SLC9A8: variants seen among roughly 807,000 people sequenced by gnomAD.
SLC9A8 encodes sodium/hydrogen exchanger 8.
In SLC9A8, 48 loss-of-function variants were observed where a neutral mutation model predicts 66.6. The ratio of observed to expected loss-of-function variants is 0.72; its 90% confidence interval spans 0.57 to 0.92. SLC9A8 has a LOEUF of 0.92. Ranked by LOEUF, SLC9A8 falls within the 40% of genes least tolerant of loss-of-function variation. The pLI is 0.00. For synonymous variants in SLC9A8, 274 were observed against 282.6 expected (o/e 0.97, Z 0.31); for missense variants, 599 against 747.3 (o/e 0.80, Z 2.31).
intron 3 of SLC9A8, chr20:49,830,297 C>G (rs1223126078): frequency 1.7e-6 from 2 of 1,147,698 alleles, no homozygotes; most frequent in East Asian, 4.7e-5. Flanking sequence ...AAATGGGTCA[C>G]ACAGTGACTG....
At chr20:49,884,336 A>ACACACACACACAC (rs1568884621) in intron 14 of SLC9A8, among the ~76,000 whole-genome samples, 3 of 108,516 alleles carry the variant, frequency 2.8e-5, no homozygotes, top group Non-Finnish European at 5.8e-5. Flanking sequence ...ACACACACAC[A>ACACACACACACAC]CCCCCCGGTC....
chr20:49,862,846 A>T, intron 8 of SLC9A8, 83 bp from the exon 9 acceptor site: 1 of 1,136,458 alleles, frequency 8.8e-7, no homozygotes, highest in Non-Finnish European at 1.3e-6. Flanking sequence ...ATGAGCGAAT[A>T]AGCAAGAAAT....
At position 49,889,553 on chromosome 20, in the gene SLC9A8, G is replaced by T. The variant is rs2089996241; in HGVS notation, c.*1617G>T. 1 of 152,300 alleles carries T rather than the reference G, an allele frequency of 6.6e-6. No homozygotes were observed. Among genetic ancestry groups the T allele is most frequent in the African/African-American group, 2.4e-5 (1 of 41,460 alleles). The allele number at this position is 152,300 out of a possible 1,614,324, so 9.4% of individuals were successfully genotyped here. A position where few individuals can be genotyped will look rare whatever the true frequency, so the allele number is the denominator to read the frequency against. Reference sequence around the variant, plus strand: ...GATCCTACCACCTCGCCTTGACCCTGAAGTCAGAGCAGGCCAGCCAAGCAG... The same window carrying T: ...GATCCTACCACCTCGCCTTGACCCTTAAGTCAGAGCAGGCCAGCCAAGCAG... On this transcript the variant is annotated 3_prime_UTR_variant, in exon 16 of 16. Coordinates refer to ENST00000361573, the MANE Select transcript of SLC9A8 (RefSeq NM_015266.3).
intron 7 of SLC9A8, 52 bp downstream of exon 7, chr20:49,850,896 A>C (rs1450333498): frequency 7.3e-7 from 1 of 1,377,558 alleles, no homozygotes; most frequent in Non-Finnish European, 1.0e-6. Context: ...GACAGGGGAA[A>C]TGTTTCTCCA....
chr20:49,854,463 C>G (rs1236042064), intron 7 of SLC9A8, among the ~76,000 whole-genome samples: 1 of 152,182 alleles, frequency 6.6e-6, no homozygotes, highest in Non-Finnish European at 1.5e-5. Flanking sequence ...TGTGTCATCC[C>G]TTCACAGAGG....
chr20:49,858,183 T>A (rs1372186063), intron 8 of SLC9A8, among the ~76,000 whole-genome samples: 1 of 152,136 alleles, frequency 6.6e-6, no homozygotes, highest in Non-Finnish European at 1.5e-5. Context: ...GGTGTATTCC[T>A]TTTTCTGGGT....
chr20:49,841,907 T>A (rs1222895261), intron 4 of SLC9A8, among the ~76,000 whole-genome samples: 2 of 151,992 alleles, frequency 1.3e-5, no homozygotes, highest in African/African-American at 2.4e-5. Flanking sequence ...GGCTAATTTT[T>A]AAAAAAATTT....
intron 3 of SLC9A8, chr20:49,830,001 AG>A: frequency 1.6e-6 from 1 of 632,248 alleles, no homozygotes; most frequent in South Asian, 1.4e-5. Flanking sequence ...GGTACCTTGA[AG>A]TGGATGATGG....
At chr20:49,861,817 G>T (rs1236684874) in intron 8 of SLC9A8, among the ~76,000 whole-genome samples, 1 of 152,086 alleles carries the variant, frequency 6.6e-6, no homozygotes, top group Non-Finnish European at 1.5e-5. Context: ...TACAGTAAAA[G>T]GAAAGTTCTT....
intron 11 of SLC9A8, among the ~76,000 whole-genome samples, chr20:49,876,737 C>T (rs1178211380): frequency 6.6e-6 from 1 of 152,150 alleles, no homozygotes; most frequent in Non-Finnish European, 1.5e-5. Flanking sequence ...GGCAGAAATT[C>T]AGAGCAAATG....
intron 3 of SLC9A8, chr20:49,831,104 C>G: frequency 1.6e-6 from 1 of 616,600 alleles, no homozygotes; most frequent in South Asian, 1.6e-5. Context: ...ACCCCCCACC[C>G]CCAGCCCTCT....
rs754131336 is a variant in SLC9A8, at chr20:49,887,810, G to A, written c.1639-19G>A. The A allele has an allele frequency of 2.5e-6, 4 of 1,569,672 alleles. No homozygotes were observed. The highest frequency in any genetic ancestry group is 4.6e-5 in the East Asian group (2 of 43,942). On this transcript the variant is annotated intron_variant, in intron 15 of 15. Coordinates refer to ENST00000361573, the MANE Select transcript of SLC9A8 (RefSeq NM_015266.3). ...CTGCCCCTGACGCCCTGACGGCTTGGTTGTGTCTCTCGACCCAGGACCTGC... is the reference window on the plus strand; with the variant it reads ...CTGCCCCTGACGCCCTGACGGCTTGATTGTGTCTCTCGACCCAGGACCTGC...
chr20:49,836,421 C>T (rs1409024582), intron 3 of SLC9A8, among the ~76,000 whole-genome samples: 1 of 152,182 alleles, frequency 6.6e-6, no homozygotes, highest in Non-Finnish European at 1.5e-5. Context: ...GCAACCGCCG[C>T]CTCCCAGGTT....
rs369647665 is a variant in SLC9A8, at chr20:49,845,031, T to C, written c.349-5T>C. 1.4e-5 allele frequency: 23 copies of C among 1,605,088 alleles called. No homozygotes were observed. In the African/African-American group the frequency reaches 2.9e-4, roughly 21 times the overall value. Reference sequence around the variant, plus strand: ...GCCCTTAAGATACTCATTTTCTATTTACAGGAAGAAGAAATGTTTCGTCCA... The same window carrying C: ...GCCCTTAAGATACTCATTTTCTATTCACAGGAAGAAGAAATGTTTCGTCCA... On this transcript the variant is annotated splice_polypyrimidine_tract_variant and splice_region_variant and intron_variant, in intron 4 of 15. Transcript: ENST00000361573.
At chr20:49,879,583 G>A (rs1309491320) in intron 12 of SLC9A8, among the ~76,000 whole-genome samples, 1 of 152,194 alleles carries the variant, frequency 6.6e-6, no homozygotes, top group Non-Finnish European at 1.5e-5. Context: ...CCAGCACTTT[G>A]GGAGGCTGAG....
rs1244330979 is a variant in SLC9A8, at chr20:49,834,401, C to G, written c.290-5140C>G. Among the ~76,000 whole-genome samples, 247 of 50,338 alleles carry G rather than the reference C, an allele frequency of 4.9e-3. 3 individuals carry two copies. Among genetic ancestry groups the G allele is most frequent in the African/African-American group, 7.2e-3 (62 of 8,570 alleles). 33.0% of individuals were successfully genotyped at this position (50,338 alleles called of 152,430 possible). The stretch of plus-strand genomic sequence containing the variant: ...TATATATACTGTGTATATATATATA[C>G]TGTGTATATATATATACTGTATATA... On this transcript the variant is annotated intron_variant, in intron 3 of 15. Coordinates refer to ENST00000361573, the MANE Select transcript of SLC9A8 (RefSeq NM_015266.3).
At chr20:49,850,922 G>A in intron 7 of SLC9A8, 78 bp downstream of exon 7, 4 of 1,071,298 alleles carry the variant, frequency 3.7e-6, no homozygotes, top group Non-Finnish European at 5.6e-6. Flanking sequence ...CTTCCTGGGT[G>A]TGGTACTGTT....
chr20:49,858,668 C>T (rs1032741355), intron 8 of SLC9A8, among the ~76,000 whole-genome samples: 1 of 151,838 alleles, frequency 6.6e-6, no homozygotes, highest in Non-Finnish European at 1.5e-5. Flanking sequence ...TTTGGAAACC[C>T]AAGATGGGGC....
At chr20:49,825,192 A>G (rs1241210842) in intron 3 of SLC9A8, among the ~76,000 whole-genome samples, 1 of 152,202 alleles carries the variant, frequency 6.6e-6, no homozygotes, top group Non-Finnish European at 1.5e-5. Flanking sequence ...GATAATAAAC[A>G]TCTATTAGCT....
Sources: allele counts gnomAD v4.1 joint callset (sites outside exome capture counted in the v4.1 genomes callset), GRCh38; gene constraint gnomAD v4.1.1; transcripts MANE v1.5; gene names NCBI Gene and HGNC (gene_info 2026-07-23, HGNC 2026-07-21).